The following MACF1 variants were observed in gnomAD, a reference collection of about 807,000 sequenced individuals.
The protein encoded by MACF1 is microtubule-actin cross-linking factor 1.
In MACF1, 193 loss-of-function variants were observed where a neutral mutation model predicts 854.8. The observed-to-expected ratio is 0.23, with a 90% confidence interval of 0.20 to 0.25. The LOEUF (loss-of-function observed/expected upper bound fraction) is 0.25, where lower values mean the gene tolerates loss of function less well. Ranked by LOEUF, MACF1 falls within the 10% of genes least tolerant of loss-of-function variation. MACF1 has a pLI of 1.00. For synonymous variants in MACF1, 3,185 were observed against 3,226.7 expected (o/e 0.99, Z 0.44); for missense variants, 7,722 against 8,929.1 (o/e 0.86, Z 5.45).
At position 39,322,678 on chromosome 1, in the gene MACF1, G is replaced by A. The variant is rs377459189; in HGVS notation, c.4100G>A (p.Arg1367His). The A allele has an allele frequency of 3.0e-5, 49 of 1,613,968 alleles. No individual in the cohort carries two copies. In the African/African-American group the frequency reaches 3.1e-4, roughly 10 times the overall value. Residue 1367 changes from arginine (R) to histidine (H), a missense_variant, in exon 32 of 101, where the codon CGT (arginine) becomes CAT (histidine). This residue lies in a region of MACF1 where 1,137 missense variants were observed against 1,263.0 expected (regional missense o/e 0.90). Coordinates refer to ENST00000564288, the MANE Select transcript of MACF1 (RefSeq NM_001394062.1). ...CAGCAGAAATCCCCTGGCAAGCGCCGTCGCATGCTTTCCTCTTCAGATGCC... is the reference window on the plus strand; with the variant it reads ...CAGCAGAAATCCCCTGGCAAGCGCCATCGCATGCTTTCCTCTTCAGATGCC... ...ESQQKSPGKRRRMLSSSDAIT... is the reference protein window; with the variant it reads ...ESQQKSPGKRHRMLSSSDAIT...
At chr1:39,360,012 A>AT (rs1301823492) in intron 47 of MACF1, among the ~76,000 whole-genome samples, 5 of 28,830 alleles carry the variant, frequency 1.7e-4, no homozygotes, top group South Asian at 1.9e-3. Flanking sequence ...AAAAAAAAAA[A>AT]ATATATATAT....
chr1:39,104,378 A>G (rs1196424804), intron 2 of MACF1, among the ~76,000 whole-genome samples: 1 of 152,042 alleles, frequency 6.6e-6, no homozygotes, highest in Non-Finnish European at 1.5e-5. Context: ...CCCTACCCAT[A>G]TTTTCCAGTT....
chr1:39,336,192 C>A lies in MACF1; in HGVS notation c.9604C>A (p.Leu3202Ile). 1 of 1,614,092 alleles carries A rather than the reference C, an allele frequency of 6.2e-7. No homozygotes were observed. ...ACCAGATTCAAAAGAAGTCAGGTAT[C>A]TAGAATTCTCAGACAGAAAAGACCT... ...SRPDSKEVRY[L>I]EFSDRKDLHH... The change falls in exon 37 of 101, where the codon CTA becomes ATA. Residue 3202 changes from leucine (L) to isoleucine (I), a missense_variant. Physicochemically the swap from Leu to Ile is conservative, Grantham distance 5. This residue lies in a region of MACF1 where 854 missense variants were observed against 852.6 expected (regional missense o/e 1.00). Transcript: ENST00000564288.
At chr1:39,324,825 A>C in intron 35 of MACF1, 91 bp downstream of exon 35, 2 of 997,574 alleles carry the variant, frequency 2.0e-6, no homozygotes, top group Non-Finnish European at 3.1e-6. Flanking sequence ...AGAATGGAGA[A>C]TTCAGAGCAG....
chr1:39,312,003 A>G (rs1013299405), intron 26 of MACF1, among the ~76,000 whole-genome samples: 2 of 152,324 alleles, frequency 1.3e-5, no homozygotes, highest in East Asian at 3.9e-4. Flanking sequence ...GGCATATCAT[A>G]TGAGCCTGGG....
At chr1:39,462,591 T>C (rs1644578020) in intron 93 of MACF1, among the ~76,000 whole-genome samples, 1 of 150,664 alleles carries the variant, frequency 6.6e-6, no homozygotes, top group African/African-American at 2.4e-5. Context: ...GGCAAGTGCT[T>C]GTAGCCCCAG....
chr1:39,485,981 T>C lies in MACF1; in HGVS notation c.*187T>C, dbSNP rs1645096857. On this transcript the variant is annotated 3_prime_UTR_variant, in exon 101 of 101. Coordinates refer to ENST00000564288, the MANE Select transcript of MACF1 (RefSeq NM_001394062.1). Reference sequence around the variant, plus strand: ...CATGTGAATATTTATGTAGATAAAATTTGCCTCCTGGTAACCCTGTAATGG... The same window carrying C: ...CATGTGAATATTTATGTAGATAAAACTTGCCTCCTGGTAACCCTGTAATGG... The C allele has an allele frequency of 1.6e-6, 1 of 611,342 alleles. No homozygotes were observed. Among genetic ancestry groups the C allele is most frequent in the South Asian group, 6.1e-5 (1 of 16,370 alleles). The allele number at this position is 611,342 out of a possible 1,614,324, so 37.9% of individuals were successfully genotyped here.
At chr1:39,122,511 C>G (rs1314733174) in intron 2 of MACF1, among the ~76,000 whole-genome samples, 1 of 152,104 alleles carries the variant, frequency 6.6e-6, no homozygotes, top group Non-Finnish European at 1.5e-5. Context: ...CCTCAGCCTC[C>G]CAAAGTGCTG....
Position 39,157,916 on chromosome 1 carries a change from C to T in MACF1, c.221-73266C>T, listed in dbSNP as rs141854260. ...AGAGACGGGGTTTTGCCATGTTGCT[C>T]AGGCTGGACTTCTGTCTGTTTTCTC... On this transcript the variant is annotated intron_variant, in intron 2 of 93. Transcript: ENST00000361689. 2.6e-4 allele frequency among the ~76,000 whole-genome samples: 40 copies of T among 152,238 alleles called. 1 individual carries two copies. In the East Asian group the frequency reaches 7.5e-3, roughly 29 times the overall value.
rs2296174 is a variant in MACF1, at chr1:39,452,295, C to T, written c.20558C>T (p.Thr6853Ile). ...QLQELSTRWD[T>I]VCKLSVSKQS... ...CAGGAACTGAGCACTCGCTGGGACA[C>T]TGTCTGTAAACTCTCTGTTTCCAAA... The change falls in exon 86 of 101, where the codon ACT becomes ATT. Residue 6853 changes from threonine to isoleucine, a missense_variant. Physicochemically the swap from Thr to Ile is moderately conservative, Grantham distance 89. Around this residue, in one of 15 missense-constraint regions of MACF1, gnomAD observed 729 missense variants for 900.5 expected, o/e 0.81. Transcript: ENST00000564288. 2.1e-5 allele frequency: 34 copies of T among 1,614,224 alleles called. No individual in the cohort carries two copies. The East Asian group carries it at 7.6e-4, about 36-fold the overall frequency.
chr1:39,247,340 G>T (rs1452911656), intron 2 of MACF1, among the ~76,000 whole-genome samples: 1 of 151,900 alleles, frequency 6.6e-6, no homozygotes, highest in African/African-American at 2.4e-5. Flanking sequence ...CAAAGTGCTG[G>T]GATTACAGGT....
intron 97 of MACF1, among the ~76,000 whole-genome samples, chr1:39,477,591 A>T (rs1002907518): frequency 3.3e-5 from 5 of 151,706 alleles, no homozygotes; most frequent in Admixed American, 2.6e-4. Context: ...AATTTCCATG[A>T]GTGGTGGGGA....
Position 39,385,703 on chromosome 1 carries a change from G to A in MACF1, c.14118G>A (p.Leu4706=). The change falls in exon 57 of 101, where the codon CTG becomes CTA. Residue 4706 remains leucine (L), a synonymous_variant. Transcript: ENST00000564288. The part of the protein sequence containing the change: ...SEKVRAVGQR[L]SVQSAISTQP... ...AGGTGAGGGCAGTTGGACAACGGCT[G>A]AGTGTCCAGTCAGCTATCAGCACCC... 1 of 1,614,188 alleles carries A rather than the reference G, an allele frequency of 6.2e-7. No homozygotes were observed. The highest frequency in any genetic ancestry group is 1.7e-5 in the Admixed American group (1 of 60,014).
At position 39,105,809 on chromosome 1, in the gene MACF1, C is replaced by T. The variant is rs1179640115; in HGVS notation, c.220+21371C>T. ...GGCTCGGCGGCTGCAGGTGGGGCGG[C>T]CGGGCGGGGTCGCACCCACCGCGCG... On this transcript the variant is annotated intron_variant, in intron 2 of 93. Transcript: ENST00000361689. The surrounding 1 kb of genome is among the most constrained non-coding windows in gnomAD (Gnocchi z 5.9). The T allele has an allele frequency of 3.1e-6, 3 of 962,692 alleles. No homozygotes were observed. The highest frequency in any genetic ancestry group is 3.7e-6 in the Non-Finnish European group (3 of 807,504). 59.6% of individuals were successfully genotyped at this position (962,692 alleles called of 1,614,324 possible).
intron 2 of MACF1, among the ~76,000 whole-genome samples, chr1:39,178,898 T>TA (rs1375338155): frequency 6.6e-6 from 1 of 152,250 alleles, no homozygotes; most frequent in African/African-American, 2.4e-5. Flanking sequence ...CTTTCTGCTT[T>TA]ATTGTCAGCC....
chr1:39,342,840 G>A (rs1032294801), intron 40 of MACF1, among the ~76,000 whole-genome samples: 1 of 151,848 alleles, frequency 6.6e-6, no homozygotes, highest in African/African-American at 2.4e-5. Flanking sequence ...TTAAATAAAG[G>A]GCCAGATAAT....
intron 1 of MACF1, among the ~76,000 whole-genome samples, chr1:39,218,113 G>A (rs1644600652): frequency 6.7e-6 from 1 of 148,504 alleles, no homozygotes; most frequent in Non-Finnish European, 1.5e-5. Context: ...AACCCAGGAG[G>A]TGGAGGTTGC....
At chr1:39,208,143 A>G (rs541175179) in intron 1 of MACF1, among the ~76,000 whole-genome samples, 35 of 146,104 alleles carry the variant, frequency 2.4e-4, no homozygotes, top group African/African-American at 2.5e-4. Context: ...AAAAAAAAAA[A>G]AAAAGAAAAG....
chr1:39,128,673 T>A (rs934526868), intron 2 of MACF1, among the ~76,000 whole-genome samples: 2 of 151,890 alleles, frequency 1.3e-5, no homozygotes, highest in Non-Finnish European at 2.9e-5. Flanking sequence ...CTCTCCAGCC[T>A]GGGTGACAGG....
Sources: gnomAD v4.1 joint callset for allele counts (sites outside exome capture counted in the v4.1 genomes callset) on GRCh38, gnomAD v4.1.1 for gene constraint, gnomAD v4.1.1 regional missense constraint, Gnocchi (gnomAD v3.1) non-coding constraint, MANE v1.5 for transcripts, NCBI Gene and HGNC (gene_info 2026-07-23, HGNC 2026-07-21) for gene names.